MTFR1: variants seen among roughly 807,000 people sequenced by gnomAD.
MTFR1 encodes the protein mitochondrial fission regulator 1, also known as chondrocyte protein with a poly-proline region.
MTFR1 carries 28 observed loss-of-function variants against 38.8 expected under a neutral mutation model. That is an observed-to-expected ratio of 0.72 (90% CI 0.53 to 0.99). MTFR1 has a LOEUF of 0.99. Among genes scored for constraint, MTFR1 ranks in the 50% least tolerant of loss-of-function variants. The pLI is 0.00. For missense variants in MTFR1, 358 were observed against 395.5 expected, an observed-to-expected ratio of 0.91 and a Z score of 0.81; for synonymous variants, 145 against 137.0, an observed-to-expected ratio of 1.06 and a Z score of -0.41.
At chr8:65,772,780 G>A (rs542302354), downstream of MTFR1, among the ~76,000 whole-genome samples, 51 of 152,280 alleles carry the variant, frequency 3.3e-4, no homozygotes, top group Middle Eastern at 3.4e-3. Flanking sequence ...AAGGCAGGCA[G>A]ATCACTTGAG....
intron 3 of MTFR1, among the ~76,000 whole-genome samples, chr8:65,740,740 C>T (rs925423135): frequency 2.6e-5 from 4 of 152,152 alleles, no homozygotes; most frequent in African/African-American, 9.7e-5. Context: ...ATCCACACCT[C>T]CTCAGAGATA....
intron 3 of MTFR1, chr8:65,727,409 C>T: frequency 6.8e-7 from 1 of 1,479,184 alleles, no homozygotes. Flanking sequence ...TAATCTCCTC[C>T]CCCTTCACGT....
chr8:65,763,794 T>C (rs915463322), intron 3 of MTFR1, among the ~76,000 whole-genome samples: 1 of 152,140 alleles, frequency 6.6e-6, no homozygotes, highest in Non-Finnish European at 1.5e-5. Flanking sequence ...AAACTTAACA[T>C]ACAAAATAAA....
rs113229185 is a variant in MTFR1, at chr8:65,675,185, G to A, written c.66+5167G>A. ...GCATGCCCGTAGTCCCCGCTACTCG[G>A]GAGGCTGAGGCAGGAGAATCCGGTT... On this transcript the variant is annotated intron_variant, in intron 2 of 7. Transcript: ENST00000262146. Among the ~76,000 whole-genome samples the A allele has an allele frequency of 9.5e-3, 1,446 of 152,302 alleles. 11 individuals carry two copies. The highest frequency in any genetic ancestry group is 0.024 in the South Asian group (118 of 4,822).
At position 65,767,483 on chromosome 8, in the gene MTFR1, G is replaced by T. The variant is rs1383990912; in HGVS notation, c.*49-3464G>T. The stretch of plus-strand genomic sequence containing the variant: ...GTTACAGTCTTTTATTAAAACGTTG[G>T]GTGTGTTAGGCCTAAGGAAACAATC... On this transcript the variant is annotated intron_variant, in intron 3 of 3. Transcript: ENST00000521247. 3.9e-5 allele frequency among the ~76,000 whole-genome samples: 6 copies of T among 152,202 alleles called. No individual in the cohort carries two copies. The South Asian group carries it at 1.2e-3, about 32-fold the overall frequency.
intron 3 of MTFR1, 151 bp from the exon 4 acceptor site, chr8:65,693,493 C>T (rs1274143994): frequency 8.1e-6 from 5 of 620,560 alleles, no homozygotes; most frequent in Non-Finnish European, 1.5e-5. Flanking sequence ...ATGATTATGA[C>T]TATTAATCAT....
At chr8:65,689,958 C>T (rs914643009) in intron 3 of MTFR1, among the ~76,000 whole-genome samples, 2 of 152,196 alleles carry the variant, frequency 1.3e-5, no homozygotes, top group African/African-American at 4.8e-5. Context: ...GCATCATTAA[C>T]ATTTTCATCT....
chr8:65,757,616 G>C (rs902232695), intron 3 of MTFR1, among the ~76,000 whole-genome samples: 1 of 151,914 alleles, frequency 6.6e-6, no homozygotes, highest in African/African-American at 2.4e-5. Flanking sequence ...GTTTTGTTTT[G>C]TTTTGTTTTG....
chr8:65,684,319 T>C (rs1346720258), intron 3 of MTFR1, among the ~76,000 whole-genome samples: 1 of 152,146 alleles, frequency 6.6e-6, no homozygotes, highest in Non-Finnish European at 1.5e-5. Context: ...GATGACCTAC[T>C]TGAGAATGTA....
chr8:65,648,873 A>G (rs1299986281), intron 1 of MTFR1, among the ~76,000 whole-genome samples: 1 of 152,114 alleles, frequency 6.6e-6, no homozygotes, highest in African/African-American at 2.4e-5. Context: ...GCCAGGTTGG[A>G]GTGCAGTGAT....
chr8:65,713,339 G>A (rs1295790628), downstream of MTFR1, among the ~76,000 whole-genome samples: 1 of 151,792 alleles, frequency 6.6e-6, no homozygotes, highest in Non-Finnish European at 1.5e-5. Flanking sequence ...TACTCGGGAG[G>A]CTGAGACAGG....
At chr8:65,776,318 C>T in the MTFR1 span, among the ~76,000 whole-genome samples, 1 of 152,056 alleles carries the variant, frequency 6.6e-6, no homozygotes, top group South Asian at 2.1e-4. Flanking sequence ...ATTCTATTGT[C>T]AGTCCTTGAA....
chr8:65,716,161 AAAC>A lies in MTFR1; in HGVS notation c.382-3216_382-3214del, dbSNP rs1416002349. The stretch of plus-strand genomic sequence containing the variant: ...GAGACCCTGTCTCAAAAAAAAAAAA[AAAC>A]AAAAGGGCTATAGAAGGTGATTCCC... On this transcript the variant is annotated intron_variant, in intron 2 of 3. Transcript: ENST00000521247. Among the ~76,000 whole-genome samples, 15 of 151,646 alleles carry A rather than the reference AAAC, an allele frequency of 9.9e-5. No homozygotes were observed. The East Asian group carries it at 2.5e-3, about 25-fold the overall frequency.
chr8:65,660,188 G>A (rs1283827858), intron 1 of MTFR1, among the ~76,000 whole-genome samples: 1 of 151,702 alleles, frequency 6.6e-6, no homozygotes, highest in East Asian at 1.9e-4. Context: ...CTACTTGGGA[G>A]GCTGAGGCAG....
chr8:65,686,123 C>T (rs1285250796), intron 3 of MTFR1, among the ~76,000 whole-genome samples: 3 of 151,966 alleles, frequency 2.0e-5, no homozygotes, highest in East Asian at 3.9e-4. Context: ...TAAATTTAAC[C>T]GTGTGTTTCA....
At chr8:65,662,042 C>CCTCTCT (rs376685702) in intron 1 of MTFR1, among the ~76,000 whole-genome samples, 1 of 61,218 alleles carries the variant, frequency 1.6e-5, no homozygotes, top group Non-Finnish European at 3.8e-5. Flanking sequence ...CCTCTCTCTC[C>CCTCTCT]CTCTCTCTCT....
intron 1 of MTFR1, among the ~76,000 whole-genome samples, chr8:65,649,333 C>A (rs1220314577): frequency 6.6e-6 from 1 of 151,980 alleles, no homozygotes; most frequent in Non-Finnish European, 1.5e-5. Context: ...TACAGGACCC[C>A]GCCACCACGA....
chr8:65,773,355 G>A (rs571191881), downstream of MTFR1, among the ~76,000 whole-genome samples: 2 of 152,300 alleles, frequency 1.3e-5, no homozygotes, highest in Admixed American at 1.3e-4. Flanking sequence ...ATAGGACCAA[G>A]TCTATAGCAA....
chr8:65,693,643 G>T lies in MTFR1; in HGVS notation c.166-1G>T. ...GAACTTTCCCTATTTATAACTTACAGATTAACAGCCATGCAACAGAATGGA... is the reference window on the plus strand; with the variant it reads ...GAACTTTCCCTATTTATAACTTACATATTAACAGCCATGCAACAGAATGGA... On this transcript the variant is annotated splice_acceptor_variant, in intron 3 of 7. Coordinates refer to ENST00000262146, the MANE Select transcript of MTFR1 (RefSeq NM_014637.4). LOFTEE classifies it high-confidence loss of function. The T allele has an allele frequency of 1.9e-6, 3 of 1,613,394 alleles. No homozygotes were observed. The highest frequency in any genetic ancestry group is 2.5e-6 in the Non-Finnish European group (3 of 1,179,410).
Sources: gnomAD v4.1 joint callset for allele counts (sites outside exome capture counted in the v4.1 genomes callset) on GRCh38, gnomAD v4.1.1 for gene constraint, MANE v1.5 for transcripts, NCBI Gene and HGNC (gene_info 2026-07-23, HGNC 2026-07-21) for gene names.